FBN1: variants seen among roughly 807,000 people sequenced by gnomAD.
FBN1 encodes the protein fibrillin-1.
In FBN1, 29 loss-of-function variants were observed where a neutral mutation model predicts 365.1. The observed-to-expected ratio is 0.08, with a 90% CI of 0.06 to 0.11. The LOEUF is 0.11. Among genes scored for constraint, FBN1 ranks in the 10% least tolerant of loss-of-function variants. The pLI is 1.00. For missense variants in FBN1, 2,476 were observed against 3,703.2 expected (o/e 0.67, Z 8.60); for synonymous variants, 1,210 against 1,270.5 (o/e 0.95, Z 1.01).
chr15:48,585,833 T>G (rs1216272900), intron 6 of FBN1, among the ~76,000 whole-genome samples: 1 of 152,186 alleles, frequency 6.6e-6, no homozygotes, highest in Admixed American at 6.5e-5. Flanking sequence ...AAGAAAATAC[T>G]GAAATAATAC....
intron 36 of FBN1, among the ~76,000 whole-genome samples, chr15:48,470,104 G>A (rs1268655733): frequency 6.6e-6 from 1 of 152,122 alleles, no homozygotes; most frequent in African/African-American, 2.4e-5. Flanking sequence ...CTGGGTGCCT[G>A]TAGTTTTTCT....
chr15:48,644,565 C>T (rs1186969124), intron 2 of FBN1, 41 bp downstream of exon 2: 4 of 1,613,194 alleles, frequency 2.5e-6, no homozygotes, highest in Non-Finnish European at 2.5e-6. Flanking sequence ...GATCTTGAAA[C>T]TTGGGAGACC....
chr15:48,447,124 C>A (rs1430389979), intron 46 of FBN1, among the ~76,000 whole-genome samples: 1 of 152,160 alleles, frequency 6.6e-6, no homozygotes, highest in African/African-American at 2.4e-5. Context: ...ACCCTTGCCA[C>A]TTTTCTCAAA....
intron 18 of FBN1, among the ~76,000 whole-genome samples, chr15:48,498,176 CT>C (rs57491754): frequency 0.22 from 32,754 of 149,138 alleles, 4,211 homozygotes; most frequent in East Asian, 0.36. Context: ...TTAGGGTTGA[CT>C]TTTTTTTTTT....
In FBN1 at chr15:48,413,904, T is replaced by C. The variant is rs73390285; in HGVS notation, c.8052-1161A>G. On this transcript the variant is annotated intron_variant, in intron 64 of 65. Coordinates refer to ENST00000316623, the MANE Select transcript of FBN1 (RefSeq NM_000138.5). ...TTCCCCCAATCTTGCCAGAGTCCAATACATTTCCTTTCCTCTTTATCTTGC... is the reference window on the plus strand; with the variant it reads ...TTCCCCCAATCTTGCCAGAGTCCAACACATTTCCTTTCCTCTTTATCTTGC... 8.3e-3 allele frequency among the ~76,000 whole-genome samples: 1,264 copies of C among 152,318 alleles called. 18 individuals are homozygous for C. Among genetic ancestry groups the C allele is most frequent in the African/African-American group, 0.03 (1,234 of 41,570 alleles).
intron 6 of FBN1, among the ~76,000 whole-genome samples, chr15:48,583,611 T>C (rs2044413546): frequency 6.6e-6 from 1 of 152,216 alleles, no homozygotes; most frequent in Non-Finnish European, 1.5e-5. Context: ...CCTCTTATAT[T>C]TCGTTATTGG....
intron 7 of FBN1, among the ~76,000 whole-genome samples, chr15:48,536,353 C>G (rs192713026): frequency 6.6e-6 from 1 of 152,026 alleles, no homozygotes; most frequent in East Asian, 1.9e-4. Context: ...CCCCACCCCC[C>G]CAATTCCATT....
At chr15:48,430,606 C>T in intron 56 of FBN1, 65 bp downstream of exon 56, 1 of 1,595,388 alleles carries the variant, frequency 6.3e-7, no homozygotes, top group South Asian at 1.1e-5. Context: ...ACTCAGAGCC[C>T]AGGTTCCTTC....
At chr15:48,498,237 G>A (rs73392187) in intron 18 of FBN1, among the ~76,000 whole-genome samples, 2,751 of 151,236 alleles carry the variant, frequency 0.018, 71 homozygotes, top group African/African-American at 0.059. Context: ...CTCCTTATTC[G>A]TTATAAGTTT....
intron 43 of FBN1, 59 bp downstream of exon 43, chr15:48,460,187 A>T (rs2043270284): frequency 7.8e-7 from 1 of 1,281,578 alleles, no homozygotes; most frequent in Non-Finnish European, 1.1e-6. Flanking sequence ...GAACTGAAAA[A>T]ATAATGCTAA....
chr15:48,482,489 G>A, intron 31 of FBN1, among the ~76,000 whole-genome samples: 1 of 152,158 alleles, frequency 6.6e-6, no homozygotes, highest in East Asian at 1.9e-4. Flanking sequence ...AGAAAAACTA[G>A]GTGAATCCTA....
At chr15:48,616,083 A>G (rs531801888) in intron 2 of FBN1, among the ~76,000 whole-genome samples, 9 of 152,360 alleles carry the variant, frequency 5.9e-5, no homozygotes, top group African/African-American at 2.2e-4. Flanking sequence ...TCTTTGAAAC[A>G]GAATACTTCT....
intron 4 of FBN1, among the ~76,000 whole-genome samples, chr15:48,605,884 T>C (rs1342670869): frequency 2.0e-5 from 3 of 152,106 alleles, no homozygotes; most frequent in African/African-American, 7.2e-5. Flanking sequence ...AAAAAAATTA[T>C]TTTAATGAAA....
At chr15:48,605,678 G>A (rs1426208499) in intron 4 of FBN1, among the ~76,000 whole-genome samples, 1 of 152,238 alleles carries the variant, frequency 6.6e-6, no homozygotes, top group Non-Finnish European at 1.5e-5. Flanking sequence ...TTCAAGACCA[G>A]CCTGGGCAGC....
chr15:48,554,283 TG>T (rs2044163807), intron 6 of FBN1, among the ~76,000 whole-genome samples: 1 of 152,210 alleles, frequency 6.6e-6, no homozygotes, highest in African/African-American at 2.4e-5. Context: ...GCCTCCCCTT[TG>T]GCCTCATTTT....
intron 57 of FBN1, 50 bp downstream of exon 57, chr15:48,428,296 T>A: frequency 6.2e-7 from 1 of 1,605,388 alleles, no homozygotes; most frequent in Non-Finnish European, 8.5e-7. Flanking sequence ...GTTTCCAGCA[T>A]CCCAGTGTGG....
At chr15:48,601,748 T>C (rs2140720742) in intron 4 of FBN1, among the ~76,000 whole-genome samples, 1 of 152,318 alleles carries the variant, frequency 6.6e-6, no homozygotes, top group South Asian at 2.1e-4. Context: ...GGAAGGAAAG[T>C]GCAGAACCCA....
intron 41 of FBN1, 39 bp from the exon 42 acceptor site, chr15:48,463,279 A>C: frequency 1.3e-6 from 2 of 1,599,020 alleles, no homozygotes; most frequent in Non-Finnish European, 1.7e-6. Context: ...AGGGTTGGTG[A>C]TGCCATGTGG....
At position 48,432,895 on chromosome 15, in the gene FBN1, A is replaced by T. The variant is rs1382970208; in HGVS notation, c.6710T>A (p.Val2237Glu). The T allele has an allele frequency of 6.2e-7, 1 of 1,613,748 alleles. No homozygotes were observed. The highest frequency in any genetic ancestry group is 8.5e-7 in the Non-Finnish European group (1 of 1,179,688). Residue 2237 changes from valine to glutamate, a missense_variant, in exon 55 of 66, where the codon GTG (valine) becomes GAG (glutamate). Transcript: ENST00000316623. Reference protein sequence around the residue: ...SYECKCPVGYVLREDRRMCKD... With the variant: ...SYECKCPVGYELREDRRMCKD... ...GCACATCCTACGGTCTTCTCTGAGC[A>T]CATATCCCACGGGACATTTGCATTC... is the stretch of plus-strand genomic sequence containing the variant.
Sources: gnomAD v4.1 joint callset for allele counts (sites outside exome capture counted in the v4.1 genomes callset) on GRCh38, gnomAD v4.1.1 for gene constraint, MANE v1.5 for transcripts, NCBI Gene and HGNC (gene_info 2026-07-23, HGNC 2026-07-21) for gene names.